The following CYTH3 variants were observed in gnomAD, a reference collection of about 807,000 sequenced individuals.
CYTH3 encodes the protein cytohesin 3, also known as cytohesin-3.
In CYTH3, 23 loss-of-function variants were observed where a neutral mutation model predicts 55.1. The observed-to-expected ratio is 0.42, with a 90% CI of 0.30 to 0.59. The LOEUF (loss-of-function observed/expected upper bound fraction) is 0.59. CYTH3 is among the 20% of genes least tolerant of loss of function. CYTH3 has a pLI of 0.20. For synonymous variants in CYTH3, 249 were observed against 194.9 expected, an observed-to-expected ratio of 1.28 and a Z score of -2.31; for missense variants, 413 against 524.8, an observed-to-expected ratio of 0.79 and a Z score of 2.08.
chr7:6,249,144 C>T (rs1462546937), intron 1 of CYTH3, among the ~76,000 whole-genome samples: 4 of 152,136 alleles, frequency 2.6e-5, no homozygotes. Flanking sequence ...GTGTAGGTAA[C>T]TTTTCTCACT....
intron 4 of CYTH3, among the ~76,000 whole-genome samples, chr7:6,183,967 A>G (rs1158612256): frequency 6.7e-6 from 1 of 149,346 alleles, no homozygotes; most frequent in African/African-American, 2.5e-5. Context: ...GACACCAATC[A>G]TGCTGGCACC....
At chr7:6,196,456 C>CTTTTTT (rs5882084) in intron 1 of CYTH3, among the ~76,000 whole-genome samples, 21 of 113,962 alleles carry the variant, frequency 1.8e-4, no homozygotes, top group South Asian at 3.0e-4. Flanking sequence ...TTCTTTTTTT[C>CTTTTTT]TTTTTTTTTT....
chr7:6,227,542 T>G (rs1188407869), intron 1 of CYTH3, among the ~76,000 whole-genome samples: 1 of 152,120 alleles, frequency 6.6e-6, no homozygotes, highest in Non-Finnish European at 1.5e-5. Context: ...GCATCAGACT[T>G]GGAAGCGTTC....
chr7:6,222,878 T>C (rs1784583940), intron 1 of CYTH3, among the ~76,000 whole-genome samples: 1 of 152,066 alleles, frequency 6.6e-6, no homozygotes, highest in Non-Finnish European at 1.5e-5. Context: ...ACAGCTAATA[T>C]GACAAAAGAA....
chr7:6,234,995 G>T (rs535393972), intron 1 of CYTH3, among the ~76,000 whole-genome samples: 1 of 152,146 alleles, frequency 6.6e-6, no homozygotes, highest in African/African-American at 2.4e-5. Context: ...CCTTGCATCT[G>T]GTCCTAAATG....
intron 1 of CYTH3, among the ~76,000 whole-genome samples, chr7:6,245,815 A>C (rs1779799189): frequency 6.6e-6 from 1 of 152,152 alleles, no homozygotes; most frequent in Admixed American, 6.6e-5. Context: ...GAGGCAGGAG[A>C]ATCACCTGAA....
chr7:6,226,020 G>A (rs1779242399), intron 1 of CYTH3, among the ~76,000 whole-genome samples: 1 of 152,096 alleles, frequency 6.6e-6, no homozygotes, highest in Non-Finnish European at 1.5e-5. Context: ...AAAAATTTTT[G>A]TCTTTAAACA....
At chr7:6,255,399 CAG>C (rs1780072114) in intron 1 of CYTH3, among the ~76,000 whole-genome samples, 3 of 152,122 alleles carry the variant, frequency 2.0e-5, no homozygotes, top group Non-Finnish European at 2.9e-5. Flanking sequence ...ATATAGCAAA[CAG>C]GGAAAAGTTC....
At chr7:6,233,653 C>T (rs1249418727) in intron 1 of CYTH3, among the ~76,000 whole-genome samples, 1 of 129,242 alleles carries the variant, frequency 7.7e-6, no homozygotes, top group African/African-American at 3.5e-5. Context: ...GAGACTCCAT[C>T]TCAAAAAAAA....
intron 1 of CYTH3, among the ~76,000 whole-genome samples, chr7:6,223,405 G>A (rs182169182): frequency 6.6e-6 from 1 of 152,314 alleles, no homozygotes; most frequent in South Asian, 2.1e-4. Flanking sequence ...GGGGAAATGT[G>A]GGGAAAAGAA....
At chr7:6,262,699 A>T (rs529127521) in intron 1 of CYTH3, among the ~76,000 whole-genome samples, 17 of 152,306 alleles carry the variant, frequency 1.1e-4, no homozygotes, top group African/African-American at 4.1e-4. Context: ...ACAAAAAATT[A>T]AAAACTGCAA....
intron 12 of CYTH3, 31 bp from the exon 13 acceptor site, chr7:6,165,047 G>T: frequency 6.2e-7 from 1 of 1,613,648 alleles, no homozygotes; most frequent in Non-Finnish European, 8.5e-7. Flanking sequence ...CACAGGTTAG[G>T]TCGTGGGTGA....
At chr7:6,240,495 A>G (rs1043654042) in intron 1 of CYTH3, among the ~76,000 whole-genome samples, 1 of 152,152 alleles carries the variant, frequency 6.6e-6, no homozygotes, top group African/African-American at 2.4e-5. Context: ...AAACCATGTC[A>G]TGCTGGCATC....
At chr7:6,229,685 GA>G (rs1562399824) in intron 1 of CYTH3, among the ~76,000 whole-genome samples, 1 of 151,394 alleles carries the variant, frequency 6.6e-6, no homozygotes, top group Non-Finnish European at 1.5e-5. Context: ...GGCATGGTGG[GA>G]GGTGCCTGTC....
chr7:6,233,605 G>T (rs998836701), intron 1 of CYTH3, among the ~76,000 whole-genome samples: 1 of 149,126 alleles, frequency 6.7e-6, no homozygotes, highest in Non-Finnish European at 1.5e-5. Context: ...GCAGTGAGCC[G>T]AGATCGCGCC....
At chr7:6,264,170 C>A (rs1260826746) in intron 1 of CYTH3, among the ~76,000 whole-genome samples, 2 of 151,964 alleles carry the variant, frequency 1.3e-5, no homozygotes, top group Admixed American at 1.3e-4. Context: ...TCGCTTGAAT[C>A]CAGGAAGCGG....
intron 5 of CYTH3, among the ~76,000 whole-genome samples, chr7:6,174,604 G>A (rs946128170): frequency 8.6e-5 from 12 of 139,356 alleles, no homozygotes; most frequent in African/African-American, 3.0e-4. Flanking sequence ...CTGGAGTGCA[G>A]TGGCACATTC....
chr7:6,166,291 C>G (rs564491950), intron 9 of CYTH3, among the ~76,000 whole-genome samples: 13 of 152,386 alleles, frequency 8.5e-5, no homozygotes, highest in African/African-American at 3.1e-4. Context: ...CGTGCACACG[C>G]ACGTACCCCC....
At chr7:6,180,967 A>T (rs1039153519) in intron 4 of CYTH3, among the ~76,000 whole-genome samples, 1 of 152,212 alleles carries the variant, frequency 6.6e-6, no homozygotes, top group African/African-American at 2.4e-5. Flanking sequence ...CTTATTTGGT[A>T]CTTTCTATTT....
Sources: gnomAD v4.1 joint callset for allele counts (sites outside exome capture counted in the v4.1 genomes callset) on GRCh38, gnomAD v4.1.1 for gene constraint, MANE v1.5 for transcripts, NCBI Gene and HGNC (gene_info 2026-07-23, HGNC 2026-07-21) for gene names.